Variants in SPTBN1 observed in about 807,000 individuals in gnomAD.
SPTBN1 encodes spectrin beta, non-erythrocytic 1.
In SPTBN1, 32 loss-of-function variants were observed where a neutral mutation model predicts 266.4. The ratio of observed to expected loss-of-function variants is 0.12; its 90% CI spans 0.09 to 0.16. The LOEUF (loss-of-function observed/expected upper bound fraction) is 0.16. Among genes scored for constraint, SPTBN1 ranks in the 10% least tolerant of loss-of-function variants. The pLI is 1.00. For missense variants in SPTBN1, 2,296 were observed against 3,067.1 expected (o/e 0.75, Z 5.94); for synonymous variants, 1,336 against 1,162.2 (o/e 1.15, Z -3.04).
intron 2 of SPTBN1, among the ~76,000 whole-genome samples, chr2:54,569,884 C>T (rs1673935166): frequency 6.6e-6 from 1 of 152,128 alleles, no homozygotes; most frequent in Non-Finnish European, 1.5e-5. Context: ...CTCCCACCCC[C>T]ACCCCCAAAC....
chr2:54,646,512 G>A lies in SPTBN1; in HGVS notation c.4866+37G>A. 1 of 1,458,482 alleles carries A rather than the reference G, an allele frequency of 6.9e-7. No individual in the cohort carries two copies. Among genetic ancestry groups the A allele is most frequent in the Non-Finnish European group, 9.0e-7 (1 of 1,105,448 alleles). The allele number at this position is 1,458,482 out of a possible 1,614,324, so 90.3% of individuals were successfully genotyped here. On this transcript the variant is annotated intron_variant, in intron 23 of 35. Coordinates refer to ENST00000356805, the MANE Select transcript of SPTBN1 (RefSeq NM_003128.3). This position sits in a 1 kb window ranked among gnomAD's most constrained non-coding sequence, Gnocchi z 4.4. ...CGGGAAGCATCCCTGTCCCAGGAGA[G>A]CCTCAGATTCAAACCCTGGGCACAC...
rs567682162 is a variant in SPTBN1, at chr2:54,646,108, A to G, written c.4585-86A>G. On this transcript the variant is annotated intron_variant, in intron 22 of 35. Transcript: ENST00000356805. This position sits in a 1 kb window ranked among gnomAD's most constrained non-coding sequence, Gnocchi z 4.4. ...TGGCAGAGAGCTTTGAAGCCTTGCTATTTCTTTCTGGCCCTAACAGCTTGA... is the reference window on the plus strand; with the variant it reads ...TGGCAGAGAGCTTTGAAGCCTTGCTGTTTCTTTCTGGCCCTAACAGCTTGA... The G allele has an allele frequency of 5.6e-6, 9 of 1,604,490 alleles. No homozygotes were observed. In the South Asian group the frequency reaches 8.9e-5, roughly 16 times the overall value.
At chr2:54,618,689 G>T (rs1001714324) in intron 7 of SPTBN1, among the ~76,000 whole-genome samples, 5 of 152,202 alleles carry the variant, frequency 3.3e-5, no homozygotes, top group African/African-American at 1.2e-4. Context: ...CAAGCAGGTT[G>T]GATGGGGATG....
At position 54,558,667 on chromosome 2, in the gene SPTBN1, G is replaced by T. The variant is rs1673049894; in HGVS notation, c.148+32101G>T. ...TGCTGGACTTGCAGACCGGAATGGG[G>T]CTCGCCTAAGGAGCCGAGCGCTGCG... On this transcript the variant is annotated intron_variant, in intron 2 of 35. Coordinates refer to ENST00000356805, the MANE Select transcript of SPTBN1 (RefSeq NM_003128.3). This position sits in a 1 kb window ranked among gnomAD's most constrained non-coding sequence, Gnocchi z 4.6. The T allele has an allele frequency of 6.6e-7, 1 of 1,511,486 alleles. No homozygotes were observed. The highest frequency in any genetic ancestry group is 2.1e-5 in the Admixed American group (1 of 47,344). 93.6% of individuals were successfully genotyped at this position (1,511,486 alleles called of 1,614,324 possible). A position where few individuals can be genotyped will look rare whatever the true frequency, so the allele number is the denominator to read the frequency against.
At chr2:54,647,286 G>C (rs762629713) in intron 24 of SPTBN1, 25 bp downstream of exon 24, 4 of 1,610,932 alleles carry the variant, frequency 2.5e-6, no homozygotes, top group African/African-American at 1.3e-5. Flanking sequence ...ATGAGTGTGA[G>C]ACCCGGCTCT....
intron 1 of SPTBN1, among the ~76,000 whole-genome samples, chr2:54,466,767 T>C (rs1448012774): frequency 6.6e-6 from 1 of 152,208 alleles, no homozygotes; most frequent in Non-Finnish European, 1.5e-5. Context: ...CTAACACTTC[T>C]GACCAAACCT....
At chr2:54,660,629 T>A (rs1680970813) in intron 32 of SPTBN1, 3 of 985,400 alleles carry the variant, frequency 3.0e-6, no homozygotes, top group African/African-American at 1.7e-5. Flanking sequence ...AGATATATTC[T>A]GGAAGCTATT....
intron 1 of SPTBN1, among the ~76,000 whole-genome samples, chr2:54,489,713 A>C (rs1203743084): frequency 3.9e-5 from 6 of 152,200 alleles, no homozygotes; most frequent in African/African-American, 1.4e-4. Context: ...AAAAAAACCC[A>C]AAAATCACAA....
intron 2 of SPTBN1, among the ~76,000 whole-genome samples, chr2:54,575,093 T>C (rs1028658707): frequency 2.0e-5 from 3 of 152,324 alleles, no homozygotes; most frequent in South Asian, 4.1e-4. Flanking sequence ...TTCGTCTAAA[T>C]AGGTGGAGAC....
At chr2:54,659,369 C>A in intron 31 of SPTBN1, 103 bp downstream of exon 31, 1 of 1,096,210 alleles carries the variant, frequency 9.1e-7, no homozygotes, top group South Asian at 1.3e-5. Flanking sequence ...TAACCACATG[C>A]CCTGCCTACT....
chr2:54,610,646 G>A (rs1677150587), intron 3 of SPTBN1, among the ~76,000 whole-genome samples: 1 of 152,212 alleles, frequency 6.6e-6, no homozygotes. Context: ...GTAGCTTCAG[G>A]GATGGCTTCA....
At chr2:54,542,265 C>G (rs6704698) in intron 2 of SPTBN1, among the ~76,000 whole-genome samples, 81,048 of 152,036 alleles carry the variant, frequency 0.53, 22,188 homozygotes, top group Admixed American at 0.62. Flanking sequence ...GGATTTCAGG[C>G]CAAGCAAGCA....
chr2:54,532,596 G>A (rs528972340), intron 2 of SPTBN1, among the ~76,000 whole-genome samples: 4 of 152,256 alleles, frequency 2.6e-5, no homozygotes, highest in Admixed American at 2.0e-4. Flanking sequence ...GGAGAGCGTT[G>A]GTCAATCCTG....
intron 2 of SPTBN1, among the ~76,000 whole-genome samples, chr2:54,549,289 C>CAA (rs35199228): frequency 0.049 from 5,317 of 108,678 alleles, 335 homozygotes; most frequent in African/African-American, 0.17. Flanking sequence ...AACTCTGTCT[C>CAA]AAAAAAAAAA....
chr2:54,478,330 G>T (rs765362105), intron 1 of SPTBN1, among the ~76,000 whole-genome samples: 83 of 151,874 alleles, frequency 5.5e-4, no homozygotes, highest in Non-Finnish European at 1.0e-3. Context: ...AGAGAGGATT[G>T]TTTTTTTTCC....
chr2:54,618,341 T>C, intron 7 of SPTBN1, 148 bp downstream of exon 7: 2 of 673,390 alleles, frequency 3.0e-6, no homozygotes, highest in East Asian at 2.7e-5. Context: ...TGAGGATTTA[T>C]GGAAAGGATG....
chr2:54,484,835 C>T (rs1668271235), intron 1 of SPTBN1, among the ~76,000 whole-genome samples: 1 of 152,068 alleles, frequency 6.6e-6, no homozygotes, highest in Admixed American at 6.6e-5. Flanking sequence ...CACCAGAATA[C>T]GTTTAGCTTC....
intron 4 of SPTBN1, among the ~76,000 whole-genome samples, chr2:54,615,959 A>T (rs896516222): frequency 6.6e-6 from 1 of 152,192 alleles, no homozygotes; most frequent in Admixed American, 6.5e-5. Flanking sequence ...AGGGGTAAAA[A>T]TGACCTCTGA....
At chr2:54,619,192 G>C (rs956422654) in intron 7 of SPTBN1, among the ~76,000 whole-genome samples, 3 of 152,204 alleles carry the variant, frequency 2.0e-5, no homozygotes, top group African/African-American at 7.2e-5. Flanking sequence ...AGGCTGCCAG[G>C]CAGGCTTCTT....
Sources: gnomAD v4.1 joint callset for allele counts (sites outside exome capture counted in the v4.1 genomes callset) on GRCh38, gnomAD v4.1.1 for gene constraint, Gnocchi (gnomAD v3.1) non-coding constraint, MANE v1.5 for transcripts, NCBI Gene and HGNC (gene_info 2026-07-23, HGNC 2026-07-21) for gene names.